CLYBL: variants seen among roughly 807,000 people sequenced by gnomAD.
CLYBL encodes the protein citramalyl-CoA lyase.
Under a neutral mutation model 38.9 loss-of-function variants are expected in CLYBL, and 31 were observed. That is an observed-to-expected ratio of 0.80 (90% CI 0.60 to 1.08). The LOEUF is 1.08. CLYBL is among the 50% of genes least tolerant of loss of function. The pLI is 0.00. For missense variants in CLYBL, 434 were observed against 411.6 expected (o/e 1.05, Z -0.47); for synonymous variants, 171 against 158.6 (o/e 1.08, Z -0.59).
chr13:99,896,820 G>A (rs1436371169), downstream of CLYBL: 2 of 152,220 alleles, frequency 1.3e-5, no homozygotes, highest in African/African-American at 2.4e-5. Context: ...AGTTTAAGAA[G>A]GAAATGGGGA....
At chr13:99,883,857 G>A (rs1948203055) in intron 7 of CLYBL, among the ~76,000 whole-genome samples, 1 of 152,098 alleles carries the variant, frequency 6.6e-6, no homozygotes, top group African/African-American at 2.4e-5. Context: ...GTTCCTTGAA[G>A]CCCTTCCCTG....
chr13:99,763,419 A>G (rs1475551771), intron 1 of CLYBL, among the ~76,000 whole-genome samples: 1 of 152,166 alleles, frequency 6.6e-6, no homozygotes, highest in South Asian at 2.1e-4. Context: ...CATCCATTGA[A>G]ATAATCATAT....
intron 1 of CLYBL, among the ~76,000 whole-genome samples, chr13:99,674,091 G>A (rs1308314218): frequency 7.2e-6 from 1 of 139,098 alleles, no homozygotes; most frequent in African/African-American, 2.7e-5. Flanking sequence ...CTTTGGACAT[G>A]TTGAATTTAA....
intron 2 of CLYBL, among the ~76,000 whole-genome samples, chr13:99,795,235 T>C (rs917277257): frequency 6.6e-6 from 1 of 152,234 alleles, no homozygotes; most frequent in African/African-American, 2.4e-5. Context: ...GTGTTAGCCA[T>C]TTATTGGTCA....
intron 1 of CLYBL, 102 bp downstream of exon 1, chr13:99,606,859 G>C (rs2046532967): frequency 1.6e-6 from 2 of 1,282,460 alleles, no homozygotes; most frequent in Non-Finnish European, 9.8e-7. Context: ...AAGCCCTCAC[G>C]GGAACCCAGC....
At chr13:99,669,231 C>G (rs1221172660) in intron 1 of CLYBL, among the ~76,000 whole-genome samples, 1 of 152,052 alleles carries the variant, frequency 6.6e-6, no homozygotes, top group Non-Finnish European at 1.5e-5. Flanking sequence ...CTCGAGCTCT[C>G]AACCTCATGA....
At chr13:99,805,151 A>T (rs2050207033) in intron 2 of CLYBL, among the ~76,000 whole-genome samples, 1 of 152,170 alleles carries the variant, frequency 6.6e-6, no homozygotes, top group Non-Finnish European at 1.5e-5. Context: ...CATTTTGCTT[A>T]TCCGCTTATC....
chr13:99,896,014 C>G (rs915337069), downstream of CLYBL: 14 of 151,702 alleles, frequency 9.2e-5, no homozygotes, highest in African/African-American at 3.4e-4. Context: ...GCAGGAGGAG[C>G]GCGGGGTACA....
intron 2 of CLYBL, among the ~76,000 whole-genome samples, chr13:99,835,360 T>G (rs568238227): frequency 3.7e-4 from 57 of 152,350 alleles, no homozygotes; most frequent in African/African-American, 1.4e-3. Context: ...CCACGTTGCG[T>G]CTGCCCTGTT....
intron 1 of CLYBL, among the ~76,000 whole-genome samples, chr13:99,743,966 C>CTTTTTTTTTTTTTTTT (rs1162079530): frequency 1.4e-5 from 1 of 69,180 alleles, no homozygotes; most frequent in African/African-American, 6.0e-5. Context: ...TCTCTTCTTT[C>CTTTTTTTTTTTTTTTT]TTTTTTTTTT....
chr13:99,661,908 T>G (rs2047414395), intron 1 of CLYBL, among the ~76,000 whole-genome samples: 1 of 152,192 alleles, frequency 6.6e-6, no homozygotes, highest in Non-Finnish European at 1.5e-5. Flanking sequence ...CCCTGCCCCC[T>G]TATAAATTGT....
rs948186110 is a variant in CLYBL, at chr13:99,888,931, A to G, written c.928-2387A>G. On this transcript the variant is annotated intron_variant, in intron 7 of 8. Transcript: ENST00000339105. The stretch of plus-strand genomic sequence containing the variant: ...CCTAAATTATAGGTGGCTATGTGAG[A>G]GCCTGGGGATATTCACGCTAGGCAG... Among the ~76,000 whole-genome samples, 13 of 152,162 alleles carry G rather than the reference A, an allele frequency of 8.5e-5. 1 individual carries two copies. The highest frequency in any genetic ancestry group is 1.5e-5 in the Non-Finnish European group (1 of 68,032).
chr13:99,844,532 TCA>T (rs1255566596), intron 2 of CLYBL, among the ~76,000 whole-genome samples: 6 of 152,166 alleles, frequency 3.9e-5, no homozygotes. Flanking sequence ...TGCACATCAC[TCA>T]GTGTTAAGAT....
intron 1 of CLYBL, among the ~76,000 whole-genome samples, chr13:99,731,755 G>A (rs533346608): frequency 1.8e-4 from 27 of 152,264 alleles, no homozygotes; most frequent in Non-Finnish European, 3.2e-4. Flanking sequence ...GAAGGGCCTC[G>A]GACATCTCCT....
intron 7 of CLYBL, among the ~76,000 whole-genome samples, chr13:99,890,271 T>G (rs1566369071): frequency 6.6e-6 from 1 of 152,152 alleles, no homozygotes; most frequent in African/African-American, 2.4e-5. Flanking sequence ...TTTTTTTTCC[T>G]TCTTTTACTA....
chr13:99,802,977 C>G (rs1397637724), intron 2 of CLYBL, among the ~76,000 whole-genome samples: 1 of 152,168 alleles, frequency 6.6e-6, no homozygotes, highest in East Asian at 1.9e-4. Flanking sequence ...CAACACTTTC[C>G]CAGCATGTGC....
intron 1 of CLYBL, among the ~76,000 whole-genome samples, chr13:99,695,228 G>C (rs2047961150): frequency 6.6e-6 from 1 of 152,132 alleles, no homozygotes; most frequent in South Asian, 2.1e-4. Context: ...TCTGCTGGGG[G>C]ATCAGTTCCT....
At chr13:99,762,361 G>T (rs1180373186) in intron 1 of CLYBL, among the ~76,000 whole-genome samples, 6 of 152,128 alleles carry the variant, frequency 3.9e-5, no homozygotes, top group Admixed American at 3.9e-4. Flanking sequence ...AGAGATAGGG[G>T]TCTAGTTTCA....
chr13:99,631,050 G>A lies in CLYBL; in HGVS notation c.62+24293G>A, dbSNP rs141954493. 4.4e-3 allele frequency among the ~76,000 whole-genome samples: 677 copies of A among 152,280 alleles called. 4 individuals are homozygous for A. The highest frequency in any genetic ancestry group is 0.015 in the African/African-American group (641 of 41,550). On this transcript the variant is annotated intron_variant, in intron 1 of 8. Transcript: ENST00000339105. ...TATTAATAAAAATAAGTCCAGGTGT[G>A]GTGGCTCATGCCTGTAATCCCAGCA...
Sources: gnomAD v4.1 joint callset for allele counts (sites outside exome capture counted in the v4.1 genomes callset) on GRCh38, gnomAD v4.1.1 for gene constraint, MANE v1.5 for transcripts, NCBI Gene and HGNC (gene_info 2026-07-23, HGNC 2026-07-21) for gene names.